LMNTD2: variants seen among roughly 807,000 people sequenced by gnomAD.
LMNTD2 encodes lamin tail domain-containing protein 2.
Under a neutral mutation model 70.1 loss-of-function variants are expected in LMNTD2, and 83 were observed. The ratio of observed to expected loss-of-function variants is 1.18; its 90% CI spans 0.99 to 1.42. The LOEUF (loss-of-function observed/expected upper bound fraction) is 1.42, where lower values mean the gene tolerates loss of function less well. Among genes scored for constraint, LMNTD2 ranks in the 40% most tolerant of loss-of-function variants. LMNTD2 has a pLI of 0.00. For missense variants in LMNTD2, 1,153 were observed against 905.9 expected (o/e 1.27, Z -3.50); for synonymous variants, 534 against 406.1 (o/e 1.31, Z -3.79).
Position 557,526 on chromosome 11 carries a change from G to T in LMNTD2, c.625-39C>A, listed in dbSNP as rs770149970. The T allele has an allele frequency of 1.2e-5, 19 of 1,613,318 alleles. No individual in the cohort carries two copies. In the East Asian group the frequency reaches 2.2e-4, roughly 19 times the overall value. On this transcript the variant is annotated intron_variant, in intron 6 of 13. Coordinates refer to ENST00000329451, the MANE Select transcript of LMNTD2 (RefSeq NM_173573.3). ...AAGAGGCACATGGTCCTCCCCTCCCGCAGGGCTCCAGATACCAGACCACAC... is the reference window on the plus strand; with the variant it reads ...AAGAGGCACATGGTCCTCCCCTCCCTCAGGGCTCCAGATACCAGACCACAC...
At position 555,991 on chromosome 11, in the gene LMNTD2, C is replaced by A; in HGVS notation, c.1377+5G>T. ...CCGGCCGCCCCACCGGGGACCCGCACCGACCTCGCCCTTGGGGCTCAGGAG... is the reference window on the plus strand; with the variant it reads ...CCGGCCGCCCCACCGGGGACCCGCAACGACCTCGCCCTTGGGGCTCAGGAG... On this transcript the variant is annotated splice_donor_5th_base_variant and intron_variant, in intron 11 of 13. Coordinates refer to ENST00000329451, the MANE Select transcript of LMNTD2 (RefSeq NM_173573.3). 6.4e-7 allele frequency: 1 copy of A among 1,557,916 alleles called. No individual in the cohort carries two copies. Among genetic ancestry groups the A allele is most frequent in the East Asian group, 2.6e-5 (1 of 39,186 alleles).
chr11:555,379 T>G lies in LMNTD2; in HGVS notation c.1699A>C (p.Thr567Pro). Residue 567 changes from threonine to proline, a missense_variant, in exon 13 of 14, where the codon ACC (threonine) becomes CCC (proline). Coordinates refer to ENST00000329451, the MANE Select transcript of LMNTD2 (RefSeq NM_173573.3). The part of the protein sequence containing the change: ...QHLPAIPGDP[T>P]LPSPPAEAGL... ...GCCTCTGCGGGAGGCGACGGCAGGGTGGGGTCACCCGGGATGGCGGGCAGG... is the reference window on the plus strand; with the variant it reads ...GCCTCTGCGGGAGGCGACGGCAGGGGGGGGTCACCCGGGATGGCGGGCAGG... The G allele has an allele frequency of 7.1e-7, 1 of 1,402,450 alleles. No homozygotes were observed. 86.9% of individuals were successfully genotyped at this position (1,402,450 alleles called of 1,614,324 possible). A position where few individuals can be genotyped will look rare whatever the true frequency, so the allele number is the denominator to read the frequency against.
Position 557,981 on chromosome 11 carries a change from T to TC in LMNTD2, c.457dup (p.Glu153GlyfsTer48). On this transcript the variant is annotated frameshift_variant, in exon 5 of 14. Transcript: ENST00000329451. LOFTEE classifies it high-confidence loss of function. ...CTTCTGCAAGTTCTGCAGCTCGGCC[T>TC]CCATCTCCTGGAGCGTGCGGGTGGT... 6.2e-7 allele frequency: 1 copy of TC among 1,600,488 alleles called. No homozygotes were observed. Among genetic ancestry groups the TC allele is most frequent in the South Asian group, 1.1e-5 (1 of 89,460 alleles).
Position 556,974 on chromosome 11 carries a change from C to T in LMNTD2, c.837G>A (p.Gly279=), listed in dbSNP as rs765262251. The T allele has an allele frequency of 2.5e-6, 4 of 1,606,640 alleles. No homozygotes were observed. The African/African-American group carries it at 4.0e-5, about 16-fold the overall frequency. ...SLPCLNTSSS[G]GADSDSSSCR... is the part of the protein sequence containing the mutation. Reference sequence around the variant, plus strand: ...AGCTGCTGGAGTCGGAGTCAGCGCCCCCTGAGCTGCTGGTGTTCAGACAGG... The same window carrying T: ...AGCTGCTGGAGTCGGAGTCAGCGCCTCCTGAGCTGCTGGTGTTCAGACAGG... Residue 279 remains glycine, a synonymous_variant, in exon 8 of 14, where the codon GGG becomes GGA. Transcript: ENST00000329451.
chr11:555,009 C>T lies in LMNTD2; in HGVS notation c.1876G>A (p.Val626Ile), dbSNP rs764825474. The T allele has an allele frequency of 3.8e-6, 6 of 1,591,078 alleles. No individual in the cohort carries two copies. Among genetic ancestry groups the T allele is most frequent in the Non-Finnish European group, 5.1e-6 (6 of 1,172,372 alleles). Reference protein sequence around the residue: ...FGFRFLSCLPVTADTCRGA With the variant: ...FGFRFLSCLPITADTCRGA ...GCGCCGCGGCAGGTGTCCGCGGTGA[C>T]CGGCAGGCAGCTGAGGAAGCGGAAG... Residue 626 changes from valine to isoleucine, a missense_variant, in exon 14 of 14, where the codon GTC becomes ATC. Physicochemically the swap from Val to Ile is conservative, Grantham distance 29 (BLOSUM62 3). Coordinates refer to ENST00000329451, the MANE Select transcript of LMNTD2 (RefSeq NM_173573.3).
chr11:557,052 G>A lies in LMNTD2; in HGVS notation c.759C>T (p.Ser253=). 1 of 1,608,494 alleles carries A rather than the reference G, an allele frequency of 6.2e-7. No individual in the cohort carries two copies. The highest frequency in any genetic ancestry group is 8.5e-7 in the Non-Finnish European group (1 of 1,178,494). Residue 253 remains serine (S), a synonymous_variant, in exon 8 of 14, where the codon TCC becomes TCT. Transcript: ENST00000329451. ...WPQLDTGSPE[S]SGKHSERHHK... is the part of the protein sequence containing the mutation. ...GATGCCGCTCGGAATGCTTTCCAGA[G>A]GACTCTGGGCTCCCTGTGTCCAGCT... is the stretch of plus-strand genomic sequence containing the variant.
chr11:560,433 T>C, intron 1 of LMNTD2: 1 of 1,240,758 alleles, frequency 8.1e-7, no homozygotes, highest in African/African-American at 1.6e-5. Context: ...GCCCGCCAGC[T>C]CCGCAGGGCT....
chr11:558,495 C>T (rs965487732), intron 3 of LMNTD2, 119 bp downstream of exon 3: 57 of 1,311,004 alleles, frequency 4.3e-5, no homozygotes, highest in African/African-American at 1.0e-4. Context: ...GGAGGGTCAG[C>T]GCGGGCAAGG....
In LMNTD2 at chr11:554,969, C is replaced by A. The variant is rs957121659; in HGVS notation, c.*11G>T. Reference sequence around the variant, plus strand: ...GCCCTCCCTCGCGGTCCCGGCCCCACTCCTCCGCCCCTAGGCGCCGCGGCA... The same window carrying A: ...GCCCTCCCTCGCGGTCCCGGCCCCAATCCTCCGCCCCTAGGCGCCGCGGCA... On this transcript the variant is annotated 3_prime_UTR_variant, in exon 14 of 14. Coordinates refer to ENST00000329451, the MANE Select transcript of LMNTD2 (RefSeq NM_173573.3). The A allele has an allele frequency of 2.6e-6, 4 of 1,555,064 alleles. No homozygotes were observed. The African/African-American group carries it at 5.6e-5, about 22-fold the overall frequency.
Position 556,903 on chromosome 11 carries a change from G to C in LMNTD2, c.908C>G (p.Pro303Arg). 1 of 1,595,424 alleles carries C rather than the reference G, an allele frequency of 6.3e-7. No homozygotes were observed. Among genetic ancestry groups the C allele is most frequent in the Non-Finnish European group, 8.5e-7 (1 of 1,174,188 alleles). ...CTCGGAGGAAGCGCGGTGGTCCCGG[G>C]GCGGGTGCCCTATCACCTGCACGAA... The part of the protein sequence containing the change: ...PSFVQVIGHP[P>R]RDHRASSEQA... Residue 303 changes from proline to arginine, a missense_variant, in exon 8 of 14, where the codon CCC (proline) becomes CGC (arginine). By Grantham distance (103) the Pro-to-Arg change is moderately radical. Transcript: ENST00000329451.
Position 555,506 on chromosome 11 carries a change from G to C in LMNTD2, c.1575-3C>G. 3 of 1,361,048 alleles carry C rather than the reference G, an allele frequency of 2.2e-6. No individual in the cohort carries two copies. Among genetic ancestry groups the C allele is most frequent in the Non-Finnish European group, 2.8e-6 (3 of 1,063,088 alleles). 84.3% of individuals were successfully genotyped at this position (1,361,048 alleles called of 1,614,324 possible). ...CTGGGGGCAGCAGGCCCCGCGTCCT[G>C]GTGGGGCGAGGGTCGTGAGGGCGGC... On this transcript the variant is annotated splice_region_variant and splice_polypyrimidine_tract_variant and intron_variant, in intron 12 of 13. Transcript: ENST00000329451.
chr11:557,319 C>T (rs1852955801), intron 7 of LMNTD2, 80 bp downstream of exon 7: 7 of 1,482,032 alleles, frequency 4.7e-6, no homozygotes, highest in Non-Finnish European at 4.6e-6. Flanking sequence ...ACTAAATGGT[C>T]CTTTAGTGTC....
Position 556,005 on chromosome 11 carries a change from G to A in LMNTD2, c.1368C>T (p.Pro456=). 4.5e-6 allele frequency: 7 copies of A among 1,559,058 alleles called. No individual in the cohort carries two copies. The highest frequency in any genetic ancestry group is 6.0e-6 in the Non-Finnish European group (7 of 1,162,648). The stretch of plus-strand genomic sequence containing the variant: ...GGGGACCCGCACCGACCTCGCCCTT[G>A]GGGCTCAGGAGCAGCGTCGCGCAGC... ...IRGCATLLLS[P]KGEVLSEHRI... The change falls in exon 11 of 14, where the codon CCC becomes CCT. Residue 456 remains proline (P), a synonymous_variant. Coordinates refer to ENST00000329451, the MANE Select transcript of LMNTD2 (RefSeq NM_173573.3).
intron 1 of LMNTD2, 51 bp from the exon 2 acceptor site, chr11:559,030 G>T (rs753006665): frequency 6.3e-7 from 1 of 1,582,676 alleles, no homozygotes; most frequent in South Asian, 1.1e-5. Context: ...CTCCTGGCCA[G>T]ACTTGGGGGC....
Position 556,037 on chromosome 11 carries a change from T to C in LMNTD2, c.1336A>G (p.Ile446Val). Residue 446 changes from isoleucine (I) to valine (V), a missense_variant, in exon 11 of 14, where the codon ATC becomes GTC. By Grantham distance (29) the Ile-to-Val change is conservative. Transcript: ENST00000329451. ...AGGAGCAGCGTCGCGCAGCCGCGGA[T>C]GGAGAGGAGGGGAACGGGCTCCCGG... ...SSREPVPLLSIRGCATLLLSP... is the reference protein window; with the variant it reads ...SSREPVPLLSVRGCATLLLSP... The C allele has an allele frequency of 6.4e-7, 1 of 1,555,658 alleles. No individual in the cohort carries two copies.
chr11:555,961 C>T (rs1852836529), intron 11 of LMNTD2, 31 bp from the exon 12 acceptor site: 2 of 1,552,020 alleles, frequency 1.3e-6, no homozygotes, highest in African/African-American at 1.4e-5. Context: ...CCCCACACCC[C>T]AGCCCCGGCC....
chr11:557,248 C>G, intron 7 of LMNTD2, 151 bp from the exon 8 acceptor site: 3 of 1,373,574 alleles, frequency 2.2e-6, no homozygotes, highest in Non-Finnish European at 2.0e-6. Flanking sequence ...TGCCTCAACC[C>G]CAACGCATTC....
intron 12 of LMNTD2, 84 bp from the exon 13 acceptor site, chr11:555,587 C>A: frequency 3.9e-6 from 5 of 1,279,146 alleles, no homozygotes; most frequent in Non-Finnish European, 5.0e-6. Context: ...GGGGCAGGGG[C>A]CGCGGGGCGT....
At chr11:555,209 GAGGGGA>G (rs1852752555) in intron 13 of LMNTD2, 90 bp downstream of exon 13, 1 of 576,902 alleles carries the variant, frequency 1.7e-6, no homozygotes, top group Non-Finnish European at 2.2e-6. Context: ...GAGCGGAGGG[GAGGGGA>G]CGAGGAGACA....
Sources: allele counts gnomAD v4.1 joint callset, GRCh38; gene constraint gnomAD v4.1.1; transcripts MANE v1.5; gene names NCBI Gene and HGNC (gene_info 2026-07-23, HGNC 2026-07-21).